The following INSC variants were observed in gnomAD, a reference collection of about 807,000 sequenced individuals.
INSC encodes the protein protein inscuteable homolog.
Under a neutral mutation model 58.6 loss-of-function variants are expected in INSC, and 67 were observed. That is an observed-to-expected ratio of 1.14 (90% CI 0.94 to 1.40). The LOEUF is 1.40. INSC is among the 40% of genes most tolerant of loss of function. The pLI, the probability that INSC is intolerant of heterozygous loss-of-function variation, is 0.00. For synonymous variants in INSC, 262 were observed against 276.1 expected, an observed-to-expected ratio of 0.95 and a Z score of 0.51; for missense variants, 714 against 692.0, an observed-to-expected ratio of 1.03 and a Z score of -0.36.
chr11:15,177,081 G>A (rs1849597008), intron 3 of INSC, 30 bp from the exon 4 acceptor site: 1 of 1,600,628 alleles, frequency 6.2e-7, no homozygotes, highest in Non-Finnish European at 8.6e-7. Context: ...TGCTTACTGA[G>A]TTGAATAAAA....
chr11:15,162,607 C>G (rs1849057215), intron 2 of INSC, among the ~76,000 whole-genome samples: 1 of 152,188 alleles, frequency 6.6e-6, no homozygotes, highest in Non-Finnish European at 1.5e-5. Context: ...TCTTCCCCTG[C>G]TATGATGTAC....
In INSC at chr11:15,217,574, G is replaced by C. The variant is rs186340444; in HGVS notation, c.820-3903G>C. On this transcript the variant is annotated intron_variant, in intron 7 of 12. Transcript: ENST00000379556. ...CTTGAGTGGCCTCATACTATGGTGA[G>C]CTGGGCTGTGCAAGAGCTGCTGAGA... Among the ~76,000 whole-genome samples the C allele has an allele frequency of 6.6e-5, 10 of 152,264 alleles. No homozygotes were observed. In the East Asian group the frequency reaches 1.7e-3, roughly 27 times the overall value.
intron 9 of INSC, chr11:15,235,243 T>G: frequency 3.1e-6 from 1 of 321,982 alleles, no homozygotes; most frequent in South Asian, 3.4e-5. Context: ...ACAGAGGAGT[T>G]TCAGGGGCCA....
chr11:15,128,844 C>G (rs546060345), intron 1 of INSC, among the ~76,000 whole-genome samples: 3 of 152,218 alleles, frequency 2.0e-5, no homozygotes, highest in Non-Finnish European at 2.9e-5. Flanking sequence ...GACAGTCCAG[C>G]CCTGCTGTCT....
At chr11:15,138,988 T>C (rs948062179) in intron 1 of INSC, among the ~76,000 whole-genome samples, 6 of 152,302 alleles carry the variant, frequency 3.9e-5, no homozygotes, top group East Asian at 1.9e-4. Flanking sequence ...TCAGAGAAGA[T>C]TGGATTATCA....
At chr11:15,153,598 C>A (rs1351667813) in intron 2 of INSC, among the ~76,000 whole-genome samples, 1 of 152,202 alleles carries the variant, frequency 6.6e-6, no homozygotes, top group Non-Finnish European at 1.5e-5. Flanking sequence ...GACTTGAATT[C>A]CATCCTTTCT....
rs550308769 is a variant in INSC, at chr11:15,234,791, C to T, written c.1171-811C>T. 2.6e-5 allele frequency among the ~76,000 whole-genome samples: 4 copies of T among 152,256 alleles called. No individual in the cohort carries two copies. The South Asian group carries it at 8.3e-4, about 32-fold the overall frequency. ...CCATGTTCCCAATCTATTCCAGTAG[C>T]ATTTTGGCACCCTTTTGCAGTTTGG... On this transcript the variant is annotated intron_variant, in intron 9 of 12. Transcript: ENST00000379556.
intron 7 of INSC, among the ~76,000 whole-genome samples, chr11:15,201,663 C>T (rs1029574954): frequency 6.6e-6 from 1 of 152,204 alleles, no homozygotes; most frequent in African/African-American, 2.4e-5. Flanking sequence ...GGACTCCAGC[C>T]AGGAGAGCTG....
rs775265044 is a variant in INSC at position 15,240,538 on chromosome 11, T to A, written c.1470+15T>A. The A allele has an allele frequency of 1.2e-6, 2 of 1,608,072 alleles. No individual in the cohort carries two copies. Among genetic ancestry groups the A allele is most frequent in the Non-Finnish European group, 1.7e-6 (2 of 1,176,730 alleles). On this transcript the variant is annotated intron_variant, in intron 12 of 12. Transcript: ENST00000379556. Reference sequence around the variant, plus strand: ...TGGCCTGCCTGGTGAGTTCTCAGTCTTCCCCCAGCTTTTCCCCTGGCCTTC... The same window carrying A: ...TGGCCTGCCTGGTGAGTTCTCAGTCATCCCCCAGCTTTTCCCCTGGCCTTC...
intron 1 of INSC, among the ~76,000 whole-genome samples, chr11:15,135,089 T>C (rs763605407): frequency 1.3e-5 from 2 of 152,160 alleles, no homozygotes; most frequent in Admixed American, 6.6e-5. Flanking sequence ...TCCTGAGGCA[T>C]TGGAATTACT....
At chr11:15,114,774 C>T (rs1847650412), upstream of INSC, among the ~76,000 whole-genome samples, 1 of 151,758 alleles carries the variant, frequency 6.6e-6, no homozygotes, top group South Asian at 2.1e-4. Context: ...CCGTGGCTGA[C>T]GCGGGACCAA....
chr11:15,261,419 TTAAAGTA>T, the INSC span, among the ~76,000 whole-genome samples: 8 of 152,314 alleles, frequency 5.3e-5, no homozygotes, highest in East Asian at 1.3e-3. Flanking sequence ...ATTCTAATCT[TTAAAGTA>T]TAAAGTAACA....
intron 1 of INSC, among the ~76,000 whole-genome samples, chr11:15,121,720 G>A (rs1459385625): frequency 6.6e-6 from 1 of 151,918 alleles, no homozygotes; most frequent in Admixed American, 6.6e-5. Context: ...TTAGTAGTTG[G>A]CATTCTACTT....
chr11:15,241,581 G>A (rs1442995610), intron 12 of INSC: 1 of 702,816 alleles, frequency 1.4e-6, no homozygotes, highest in Non-Finnish European at 2.6e-6. Flanking sequence ...TGGGGATACA[G>A]CTGCAGGTAA....
intron 7 of INSC, among the ~76,000 whole-genome samples, chr11:15,202,415 G>T (rs1466561234): frequency 6.6e-6 from 1 of 152,198 alleles, no homozygotes; most frequent in Non-Finnish European, 1.5e-5. Flanking sequence ...CCAGTGGACT[G>T]TCTGATTGTG....
intron 1 of INSC, among the ~76,000 whole-genome samples, chr11:15,146,870 C>T (rs562784141): frequency 9.9e-5 from 15 of 152,264 alleles, no homozygotes; most frequent in Non-Finnish European, 2.1e-4. Context: ...CTCTGGATCC[C>T]TCAGAGATGA....
chr11:15,202,578 TCTC>T (rs769033528), intron 7 of INSC, among the ~76,000 whole-genome samples: 3 of 152,166 alleles, frequency 2.0e-5, no homozygotes, highest in South Asian at 2.1e-4. Flanking sequence ...TTCCCTCCCT[TCTC>T]CTATAAAACT....
At position 15,149,128 on chromosome 11, in the gene INSC, A is replaced by G; in HGVS notation, c.-45-2A>G. Reference sequence around the variant, plus strand: ...TTGTGCCATCCTGCCCTCTATTTTCAGGGTCACGACCGCTGCAAGCAGGCT... The same window carrying G: ...TTGTGCCATCCTGCCCTCTATTTTCGGGGTCACGACCGCTGCAAGCAGGCT... On this transcript the variant is annotated splice_acceptor_variant, in intron 1 of 12. Transcript: ENST00000379556. LOFTEE classifies it low-confidence loss of function (5UTR_SPLICE). 6.2e-7 allele frequency: 1 copy of G among 1,600,188 alleles called. No homozygotes were observed. The highest frequency in any genetic ancestry group is 1.3e-5 in the African/African-American group (1 of 74,446).
At chr11:15,190,530 A>C (rs1016208749) in intron 5 of INSC, among the ~76,000 whole-genome samples, 171 bp from the exon 6 acceptor site, 5 of 152,206 alleles carry the variant, frequency 3.3e-5, no homozygotes, top group African/African-American at 1.2e-4. Flanking sequence ...ACCCTGACTG[A>C]TACCTTTCCC....
Sources: allele counts gnomAD v4.1 joint callset (sites outside exome capture counted in the v4.1 genomes callset), GRCh38; gene constraint gnomAD v4.1.1; transcripts MANE v1.5; gene names NCBI Gene and HGNC (gene_info 2026-07-23, HGNC 2026-07-21).